Variants in CDC27 observed in about 807,000 individuals in gnomAD.
CDC27 encodes the protein cell division cycle 27, also known as cell division cycle protein 27 homolog.
Under a neutral mutation model 109.7 loss-of-function variants are expected in CDC27, and 27 were observed. The observed-to-expected ratio is 0.25, with a 90% CI of 0.18 to 0.34. The LOEUF (loss-of-function observed/expected upper bound fraction) is 0.34. CDC27 is among the 10% of genes least tolerant of loss of function. The probability of loss-of-function intolerance (pLI) is 1.00; values close to 1 mark genes in which losing one functional copy is unlikely to be tolerated. For synonymous variants in CDC27, 266 were observed against 333.9 expected, an observed-to-expected ratio of 0.80 and a Z score of 2.22; for missense variants, 579 against 960.2, an observed-to-expected ratio of 0.60 and a Z score of 5.25.
chr17:47,188,770 G>C, intron 1 of CDC27: 1 of 1,112,578 alleles, frequency 9.0e-7, no homozygotes, highest in Non-Finnish European at 1.1e-6. Flanking sequence ...CACAAGCTCC[G>C]ATCAAATGTG....
intron 16 of CDC27, among the ~76,000 whole-genome samples, chr17:47,129,161 T>C (rs530227699): frequency 1.5e-4 from 23 of 152,332 alleles, no homozygotes; most frequent in African/African-American, 5.3e-4. Context: ...AAAAACTGCC[T>C]TTCTATATAA....
chr17:47,169,809 A>T, intron 4 of CDC27, 108 bp downstream of exon 4: 1 of 869,428 alleles, frequency 1.2e-6, no homozygotes, highest in Non-Finnish European at 1.7e-6. Context: ...ACTATGTACT[A>T]CTCAGCCAAG....
In CDC27 at chr17:47,129,519, A is replaced by C. The variant is rs780844929; in HGVS notation, c.2034T>G (p.Val678=). Residue 678 remains valine (V), a splice_region_variant and synonymous_variant, in exon 16 of 19, where the codon GTT becomes GTG. Transcript: ENST00000066544. ...TCTCTGATTTTTTCAGTGCATGTTG[A>C]ACCTGTAAGAAATAAAGATCATGTT... ...SSVLLCHIGV[V]QHALKKSEKA... 6.3e-7 allele frequency: 1 copy of C among 1,593,098 alleles called. No individual in the cohort carries two copies. The highest frequency in any genetic ancestry group is 1.8e-5 in the Admixed American group (1 of 55,302).
intron 16 of CDC27, among the ~76,000 whole-genome samples, chr17:47,128,344 A>T (rs2148811032): frequency 6.6e-6 from 1 of 152,170 alleles, no homozygotes; most frequent in South Asian, 2.1e-4. Context: ...AATTTATTTT[A>T]AAAGATTTTG....
In CDC27 at chr17:47,122,429, A is replaced by G. The variant is rs757271031; in HGVS notation, c.2392+15T>C. 1.3e-6 allele frequency: 2 copies of G among 1,517,128 alleles called. No individual in the cohort carries two copies. The highest frequency in any genetic ancestry group is 4.7e-5 in the East Asian group (2 of 42,878). 94.0% of individuals were successfully genotyped at this position (1,517,128 alleles called of 1,614,324 possible). The stretch of plus-strand genomic sequence containing the variant: ...TAACTTTCTAAATACTCAAAATCAT[A>G]TGTATGATACTTACTGATCTGTTCT... On this transcript the variant is annotated intron_variant, in intron 18 of 18. Transcript: ENST00000066544.
intron 4 of CDC27, chr17:47,159,862 C>G: frequency 2.2e-6 from 1 of 459,930 alleles, no homozygotes; most frequent in African/African-American, 2.0e-5. Context: ...TCTTCATGTC[C>G]TTGACCAGGA....
intron 4 of CDC27, among the ~76,000 whole-genome samples, chr17:47,167,186 T>C (rs1286095492): frequency 1.3e-5 from 2 of 152,232 alleles, no homozygotes; most frequent in African/African-American, 4.8e-5. Context: ...GTGGTTTCAT[T>C]TCCAAATGTT....
In CDC27 at chr17:47,157,083, GTACT is replaced by G; in HGVS notation, c.668_671del (p.Lys223ThrfsTer3). On this transcript the variant is annotated frameshift_variant, in exon 7 of 19. Transcript: ENST00000066544. LOFTEE classifies it high-confidence loss of function. The stretch of plus-strand genomic sequence containing the variant: ...ACACTGAGGAATCTGTATTCAAGGA[GTACT>G]TTGAATTGGAAGATTCTAAATTCAA... 1 of 1,588,300 alleles carries G rather than the reference GTACT, an allele frequency of 6.3e-7. No homozygotes were observed. Among genetic ancestry groups the G allele is most frequent in the Non-Finnish European group, 8.6e-7 (1 of 1,166,078 alleles).
At chr17:47,155,528 G>A (rs1427913380) in intron 7 of CDC27, among the ~76,000 whole-genome samples, 3 of 152,154 alleles carry the variant, frequency 2.0e-5, no homozygotes, top group African/African-American at 7.2e-5. Flanking sequence ...TTACAGGCAT[G>A]AGCCCCCATG....
At chr17:47,136,836 G>T (rs968384506) in intron 14 of CDC27, among the ~76,000 whole-genome samples, 1 of 151,898 alleles carries the variant, frequency 6.6e-6, no homozygotes, top group Non-Finnish European at 1.5e-5. Context: ...TCACCATTTC[G>T]GTGTTCGAAG....
intron 9 of CDC27, among the ~76,000 whole-genome samples, chr17:47,147,919 G>T (rs1390776105): frequency 3.4e-5 from 4 of 116,116 alleles, no homozygotes; most frequent in South Asian, 5.4e-4. Context: ...AAAAAAAAAA[G>T]GCTGGGCGCG....
chr17:47,137,941 C>G (rs1474451358), intron 13 of CDC27, among the ~76,000 whole-genome samples: 1 of 151,864 alleles, frequency 6.6e-6, no homozygotes, highest in Non-Finnish European at 1.5e-5. Flanking sequence ...GCTGGGACCA[C>G]AGATGCCAGC....
intron 15 of CDC27, among the ~76,000 whole-genome samples, chr17:47,130,759 C>T (rs1241803225): frequency 5.3e-5 from 8 of 151,982 alleles, no homozygotes; most frequent in Admixed American, 5.2e-4. Context: ...CACCTGTAAT[C>T]CCAGCTACTC....
chr17:47,124,316 C>T (rs1455645971), intron 16 of CDC27, among the ~76,000 whole-genome samples: 1 of 147,522 alleles, frequency 6.8e-6, no homozygotes, highest in Non-Finnish European at 1.5e-5. Context: ...TGGAGTCTCG[C>T]TCTGTCGCCC....
At chr17:47,123,748 T>C in intron 17 of CDC27, 138 bp downstream of exon 17, 1 of 524,802 alleles carries the variant, frequency 1.9e-6, no homozygotes. Context: ...ACTAAATCTG[T>C]TATTCCCAGA....
intron 17 of CDC27, among the ~76,000 whole-genome samples, chr17:47,123,322 C>T (rs1264115999): frequency 6.6e-6 from 1 of 151,888 alleles, no homozygotes; most frequent in Non-Finnish European, 1.5e-5. Context: ...ACTGACTAGT[C>T]TGGCCTTGGG....
At chr17:47,130,040 T>C (rs994405064) in intron 15 of CDC27, among the ~76,000 whole-genome samples, 5 of 152,222 alleles carry the variant, frequency 3.3e-5, no homozygotes, top group Non-Finnish European at 7.3e-5. Flanking sequence ...ACAATTATAT[T>C]TTCAATATTT....
intron 14 of CDC27, among the ~76,000 whole-genome samples, chr17:47,133,138 A>C (rs2062444410): frequency 8.0e-6 from 1 of 125,360 alleles, no homozygotes; most frequent in Admixed American, 8.3e-5. Context: ...TATATATATA[A>C]TATATATGTA....
intron 1 of CDC27, among the ~76,000 whole-genome samples, chr17:47,185,012 C>G (rs973516126): frequency 2.0e-5 from 3 of 152,152 alleles, no homozygotes; most frequent in African/African-American, 7.2e-5. Context: ...AGAAATCTGA[C>G]TGATTAATGG....
Sources: allele counts gnomAD v4.1 joint callset (sites outside exome capture counted in the v4.1 genomes callset), GRCh38; gene constraint gnomAD v4.1.1; transcripts MANE v1.5; gene names NCBI Gene and HGNC (gene_info 2026-07-23, HGNC 2026-07-21).